Variants in ELMO1 observed in about 807,000 individuals in gnomAD.
ELMO1 encodes engulfment and cell motility 1.
A neutral mutation model predicts 98.9 loss-of-function variants in ELMO1; 26 were observed. The observed-to-expected ratio is 0.26, with a 90% CI of 0.19 to 0.36. The LOEUF (loss-of-function observed/expected upper bound fraction) is 0.36. Ranked by LOEUF, ELMO1 falls within the 10% of genes least tolerant of loss-of-function variation. The pLI, the probability that ELMO1 is intolerant of heterozygous loss-of-function variation, is 1.00. For synonymous variants in ELMO1, 346 were observed against 346.0 expected, an observed-to-expected ratio of 1.00 and a Z score of 0.00; for missense variants, 627 against 935.2, an observed-to-expected ratio of 0.67 and a Z score of 4.30.
At chr7:37,448,292 A>C (rs1295153393) in intron 1 of ELMO1, among the ~76,000 whole-genome samples, 1 of 126,070 alleles carries the variant, frequency 7.9e-6, no homozygotes, top group Non-Finnish European at 1.7e-5. Context: ...CCAGCGTCGC[A>C]ACCCTCCCGC....
chr7:37,040,337 T>C (rs1421113599), intron 15 of ELMO1, among the ~76,000 whole-genome samples: 2 of 152,172 alleles, frequency 1.3e-5, no homozygotes, highest in Admixed American at 6.5e-5. Flanking sequence ...GGTGACTTTG[T>C]TAAGGACAAA....
intron 13 of ELMO1, among the ~76,000 whole-genome samples, chr7:37,210,629 T>C (rs750756846): frequency 4.6e-5 from 7 of 151,652 alleles, no homozygotes; most frequent in Non-Finnish European, 8.8e-5. Context: ...AGCTTATATA[T>C]TTTTTTCCAA....
intron 13 of ELMO1, among the ~76,000 whole-genome samples, chr7:37,173,297 T>C (rs2129855444): frequency 6.6e-6 from 1 of 152,288 alleles, no homozygotes; most frequent in East Asian, 1.9e-4. Context: ...TTCTTATTCA[T>C]GCTATACCAT....
intron 15 of ELMO1, among the ~76,000 whole-genome samples, chr7:37,026,280 T>C (rs1794573367): frequency 6.6e-6 from 1 of 152,166 alleles, no homozygotes; most frequent in African/African-American, 2.4e-5. Flanking sequence ...ACTGTGTCTG[T>C]CTTGCAGAGC....
At chr7:36,917,230 T>C (rs1784773009) in intron 16 of ELMO1, among the ~76,000 whole-genome samples, 3 of 152,220 alleles carry the variant, frequency 2.0e-5, no homozygotes, top group Non-Finnish European at 2.9e-5. Context: ...AAGAAATAAC[T>C]ACCTTATTCA....
chr7:37,380,818 C>T (rs1802549994), intron 1 of ELMO1, among the ~76,000 whole-genome samples: 1 of 152,178 alleles, frequency 6.6e-6, no homozygotes, highest in African/African-American at 2.4e-5. Context: ...TGGACAACAG[C>T]ACTGTAACTC....
intron 15 of ELMO1, among the ~76,000 whole-genome samples, chr7:37,053,285 AACAC>A (rs59573752): frequency 0.043 from 5,903 of 138,802 alleles, 101 homozygotes; most frequent in South Asian, 0.052. Context: ...CATTTGTTAA[AACAC>A]ACACACACAC....
intron 13 of ELMO1, among the ~76,000 whole-genome samples, chr7:37,181,376 C>G (rs532107721): frequency 2.0e-5 from 3 of 151,998 alleles, no homozygotes; most frequent in Non-Finnish European, 4.4e-5. Flanking sequence ...TACACCACAC[C>G]TGCCCTCTCT....
chr7:37,211,369 G>T lies in ELMO1; in HGVS notation c.1086+17C>A, dbSNP rs776878227. On this transcript the variant is annotated intron_variant, in intron 13 of 21. Transcript: ENST00000310758. ...GGAGGCTGGAGGGAGAGCGCATACT[G>T]GAGATAGCTTACTTACAATGAACCC... 1.2e-6 allele frequency: 2 copies of T among 1,613,794 alleles called. No homozygotes were observed. The highest frequency in any genetic ancestry group is 1.7e-6 in the Non-Finnish European group (2 of 1,179,786).
intron 15 of ELMO1, among the ~76,000 whole-genome samples, chr7:37,020,296 T>TA (rs1562901722): frequency 6.6e-6 from 1 of 152,238 alleles, no homozygotes; most frequent in African/African-American, 2.4e-5. Context: ...TTGTAGAACT[T>TA]AGAGAGTCTG....
At chr7:37,127,986 A>G (rs1279647038) in intron 14 of ELMO1, among the ~76,000 whole-genome samples, 2 of 152,188 alleles carry the variant, frequency 1.3e-5, no homozygotes, top group African/African-American at 4.8e-5. Context: ...TGAGGTCAGG[A>G]GTTCAAGACC....
At chr7:37,185,289 TA>T (rs1190519175) in intron 13 of ELMO1, among the ~76,000 whole-genome samples, 5 of 152,336 alleles carry the variant, frequency 3.3e-5, no homozygotes, top group African/African-American at 1.2e-4. Context: ...CCAGAATATT[TA>T]ATAGGGAGGT....
intron 1 of ELMO1, among the ~76,000 whole-genome samples, chr7:37,371,444 T>C (rs1802111486): frequency 6.6e-6 from 1 of 152,222 alleles, no homozygotes; most frequent in Non-Finnish European, 1.5e-5. Context: ...AGGTTTAACA[T>C]TTCATTATAA....
At chr7:37,309,867 CT>C (rs762726877) in intron 4 of ELMO1, among the ~76,000 whole-genome samples, 25 of 152,238 alleles carry the variant, frequency 1.6e-4, no homozygotes, top group Non-Finnish European at 8.8e-5. Context: ...TACCTCTAAG[CT>C]TCAATCCTTT....
intron 16 of ELMO1, among the ~76,000 whole-genome samples, chr7:36,987,412 T>C (rs1033359780): frequency 6.6e-6 from 1 of 152,076 alleles, no homozygotes; most frequent in Non-Finnish European, 1.5e-5. Context: ...TCCACAGAGA[T>C]TGATGGAAAA....
chr7:37,283,092 C>T (rs561885586), intron 4 of ELMO1, among the ~76,000 whole-genome samples: 1 of 152,258 alleles, frequency 6.6e-6, no homozygotes, highest in Admixed American at 6.5e-5. Flanking sequence ...TCAAAAGGAG[C>T]AGACAGAGAT....
chr7:37,068,444 C>T (rs1409676497), intron 15 of ELMO1, among the ~76,000 whole-genome samples: 1 of 152,150 alleles, frequency 6.6e-6, no homozygotes, highest in African/African-American at 2.4e-5. Context: ...CACTTATTGT[C>T]AACATTAATT....
chr7:37,425,966 C>T (rs900953869), intron 1 of ELMO1, among the ~76,000 whole-genome samples: 3 of 152,058 alleles, frequency 2.0e-5, no homozygotes, highest in African/African-American at 7.2e-5. Flanking sequence ...TTAACACCAA[C>T]AAAAGGATCC....
intron 1 of ELMO1, among the ~76,000 whole-genome samples, chr7:37,443,586 T>C (rs1471637224): frequency 6.6e-6 from 1 of 152,248 alleles, no homozygotes; most frequent in Non-Finnish European, 1.5e-5. Flanking sequence ...CCTGCACTTA[T>C]ATTGTAACAG....
Sources: gnomAD v4.1 joint callset for allele counts (sites outside exome capture counted in the v4.1 genomes callset) on GRCh38, gnomAD v4.1.1 for gene constraint, MANE v1.5 for transcripts, NCBI Gene and HGNC (gene_info 2026-07-23, HGNC 2026-07-21) for gene names.